The following KRTAP9-1 variants were observed in gnomAD, a reference collection of about 807,000 sequenced individuals.
KRTAP9-1 encodes keratin-associated protein 9-1.
In KRTAP9-1, 13 loss-of-function variants were observed where a neutral mutation model predicts 18.4. That is an observed-to-expected ratio of 0.71 (90% CI 0.46 to 1.12). The LOEUF (loss-of-function observed/expected upper bound fraction) is 1.12. Ranked by LOEUF, KRTAP9-1 falls within the 50% of genes most tolerant of loss-of-function variation. KRTAP9-1 has a pLI of 0.00. For synonymous variants in KRTAP9-1, 122 were observed against 108.8 expected (o/e 1.12, Z -0.75); for missense variants, 310 against 310.6 (o/e 1.00, Z 0.01).
At position 41,190,577 on chromosome 17, in the gene KRTAP9-1, C is replaced by T. The variant is rs1040724741; in HGVS notation, c.691C>T (p.Arg231Cys). 35 of 1,609,268 alleles carry T rather than the reference C, an allele frequency of 2.2e-5. No homozygotes were observed. In the African/African-American group the frequency reaches 2.4e-4, roughly 11 times the overall value. The change falls in exon 1 of 1, where the codon CGC becomes TGC. Residue 231 changes from arginine (R) to cysteine (C), a missense_variant. Coordinates refer to ENST00000398470, the MANE Select transcript of KRTAP9-1 (RefSeq NM_001190460.1). ...CACCTGCTACAGGACCACCTGTTGCCGCCCCAGCTGTTGCTGCAGTCCTTG... is the reference window on the plus strand; with the variant it reads ...CACCTGCTACAGGACCACCTGTTGCTGCCCCAGCTGTTGCTGCAGTCCTTG... ...QTTCYRTTCC[R>C]PSCCCSPCCV...
Position 41,190,246 on chromosome 17 carries a change from C to T in KRTAP9-1, c.360C>T (p.His120=). The T allele has an allele frequency of 1.5e-6, 2 of 1,328,684 alleles. No individual in the cohort carries two copies. Among genetic ancestry groups the T allele is most frequent in the African/African-American group, 3.9e-5 (2 of 51,126 alleles). 82.3% of individuals were successfully genotyped at this position (1,328,684 alleles called of 1,614,324 possible). A position where few individuals can be genotyped will look rare whatever the true frequency, so the allele number is the denominator to read the frequency against. ...CGSSCCQPCC[H]PTCYQTICFR... is the part of the protein sequence containing the mutation. ...CCAGTTGCTGTCAGCCTTGCTGTCA[C>T]CCGACTTGCTATCAAACTATCTGCT... Residue 120 remains histidine, a synonymous_variant, in exon 1 of 1, where the codon CAC becomes CAT. Transcript: ENST00000398470.
Position 41,190,490 on chromosome 17 carries a change from A to C in KRTAP9-1, c.604A>C (p.Ser202Arg). ...QPTCGGSSCC[S>R]QTCNESSYCL... is the part of the protein sequence containing the mutation. Reference sequence around the variant, plus strand: ...AACCTGTGGTGGGTCCAGCTGCTGTAGCCAAACCTGCAATGAGTCCAGCTA... The same window carrying C: ...AACCTGTGGTGGGTCCAGCTGCTGTCGCCAAACCTGCAATGAGTCCAGCTA... The change falls in exon 1 of 1, where the codon AGC (serine) becomes CGC (arginine). Residue 202 changes from serine (S) to arginine (R), a missense_variant. Ser to Arg is a moderately radical substitution (Grantham distance 110). Coordinates refer to ENST00000398470, the MANE Select transcript of KRTAP9-1 (RefSeq NM_001190460.1). 6.2e-7 allele frequency: 1 copy of C among 1,603,336 alleles called. No individual in the cohort carries two copies. Among genetic ancestry groups the C allele is most frequent in the Non-Finnish European group, 8.5e-7 (1 of 1,174,844 alleles).
Position 41,190,587 on chromosome 17 carries a change from G to T in KRTAP9-1, c.701G>T (p.Cys234Phe). The T allele has an allele frequency of 6.2e-7, 1 of 1,608,088 alleles. No homozygotes were observed. Among genetic ancestry groups the T allele is most frequent in the Non-Finnish European group, 8.5e-7 (1 of 1,177,094 alleles). ...CYRTTCCRPS[C>F]CCSPCCVSSC... ...AGGACCACCTGTTGCCGCCCCAGCT[G>T]TTGCTGCAGTCCTTGCTGTGTCTCC... is the stretch of plus-strand genomic sequence containing the variant. The change falls in exon 1 of 1, where the codon TGT becomes TTT. Residue 234 changes from cysteine (C) to phenylalanine (F), a missense_variant. By Grantham distance (205) the Cys-to-Phe change is radical. Around this residue, in one of 3 missense-constraint regions of KRTAP9-1, gnomAD observed 130 missense variants for 103.4 expected, o/e 1.26. Transcript: ENST00000398470.
rs1228035984 is a variant in KRTAP9-1 at position 41,190,446 on chromosome 17, G to A, written c.560G>A (p.Ser187Asn). 8.1e-6 allele frequency: 13 copies of A among 1,601,030 alleles called. No homozygotes were observed. Among genetic ancestry groups the A allele is most frequent in the Non-Finnish European group, 1.1e-5 (13 of 1,174,808 alleles). The change falls in exon 1 of 1, where the codon AGC becomes AAC. Residue 187 changes from serine to asparagine, a missense_variant. Ser to Asn is a conservative substitution (Grantham distance 46). This residue lies in a region of KRTAP9-1 where 130 missense variants were observed against 103.4 expected (regional missense o/e 1.26). Coordinates refer to ENST00000398470, the MANE Select transcript of KRTAP9-1 (RefSeq NM_001190460.1). ...CCATCCTGTGTGACCAGATGCTGCA[G>A]CACACCCTGTTGCCAGCCAACCTGT... ...CQPSCVTRCC[S>N]TPCCQPTCGG...
In KRTAP9-1 at chr17:41,189,916, G is replaced by A. The variant is rs1370755433; in HGVS notation, c.30G>A (p.Gln10=). Residue 10 remains glutamine (Q), a synonymous_variant, in exon 1 of 1, where the codon CAG becomes CAA. Coordinates refer to ENST00000398470, the MANE Select transcript of KRTAP9-1 (RefSeq NM_001190460.1). ...CCCACTGCTGTTCCCCTTGCTGTCAGCCTACATGCTGCAGGACCACCTGCT... is the reference window on the plus strand; with the variant it reads ...CCCACTGCTGTTCCCCTTGCTGTCAACCTACATGCTGCAGGACCACCTGCT... MTHCCSPCC[Q]PTCCRTTCCR... is the part of the protein sequence containing the mutation. The A allele has an allele frequency of 5.0e-6, 8 of 1,612,100 alleles. No homozygotes were observed. The highest frequency in any genetic ancestry group is 6.8e-6 in the Non-Finnish European group (8 of 1,179,858).
Position 41,190,100 on chromosome 17 carries a change from G to A in KRTAP9-1, c.214G>A (p.Val72Met), listed in dbSNP as rs777369981. ...GACCACCTGCTGCCAGCCCACTTGT[G>A]TGGCCAGCTGCTGCCAGCCTTCCTG... ...CRTTCCQPTCVASCCQPSCCS... is the reference protein window; with the variant it reads ...CRTTCCQPTCMASCCQPSCCS... Residue 72 changes from valine to methionine, a missense_variant, in exon 1 of 1, where the codon GTG (valine) becomes ATG (methionine). Around this residue, in one of 3 missense-constraint regions of KRTAP9-1, gnomAD observed 178 missense variants for 190.2 expected, o/e 0.94. Transcript: ENST00000398470. 1.3e-6 allele frequency: 2 copies of A among 1,598,720 alleles called. 1 individual carries two copies. The highest frequency in any genetic ancestry group is 2.3e-5 in the South Asian group (2 of 88,638).
Position 41,190,536 on chromosome 17 carries a change from C to T in KRTAP9-1, c.650C>T (p.Pro217Leu). ...ESSYCLPCCR[P>L]TCCQTTCYRT... ...AGCTATTGTCTGCCTTGCTGCCGTC[C>T]CACCTGCTGCCAGACCACCTGCTAC... The change falls in exon 1 of 1, where the codon CCC becomes CTC. Residue 217 changes from proline to leucine, a missense_variant. Around this residue, in one of 3 missense-constraint regions of KRTAP9-1, gnomAD observed 130 missense variants for 103.4 expected, o/e 1.26. Coordinates refer to ENST00000398470, the MANE Select transcript of KRTAP9-1 (RefSeq NM_001190460.1). 1 of 1,610,512 alleles carries T rather than the reference C, an allele frequency of 6.2e-7. No individual in the cohort carries two copies. Among genetic ancestry groups the T allele is most frequent in the Non-Finnish European group, 8.5e-7 (1 of 1,178,328 alleles).
Position 41,190,527 on chromosome 17 carries a change from G to A in KRTAP9-1, c.641G>A (p.Cys214Tyr). The change falls in exon 1 of 1, where the codon TGC becomes TAC. Residue 214 changes from cysteine to tyrosine, a missense_variant. Physicochemically the swap from Cys to Tyr is radical, Grantham distance 194 (BLOSUM62 -2). This residue lies in a region of KRTAP9-1 where 130 missense variants were observed against 103.4 expected (regional missense o/e 1.26). Transcript: ENST00000398470. The part of the protein sequence containing the change: ...TCNESSYCLP[C>Y]CRPTCCQTTC... ...AATGAGTCCAGCTATTGTCTGCCTT[G>A]CTGCCGTCCCACCTGCTGCCAGACC... 1 of 1,609,690 alleles carries A rather than the reference G, an allele frequency of 6.2e-7. No homozygotes were observed. The highest frequency in any genetic ancestry group is 8.5e-7 in the Non-Finnish European group (1 of 1,177,926).
In KRTAP9-1 at chr17:41,190,161, G is replaced by T; in HGVS notation, c.275G>T (p.Gly92Val). 6.4e-7 allele frequency: 1 copy of T among 1,555,710 alleles called. No homozygotes were observed. Among genetic ancestry groups the T allele is most frequent in the Admixed American group, 1.8e-5 (1 of 54,336 alleles). ...CCCTGCTGCCAGCCCACCTGCTGTG[G>T]GTCCAGCTGCTGTGGCCAAACCAGC... ...STPCCQPTCC[G>V]SSCCGQTSCG... Residue 92 changes from glycine (G) to valine (V), a missense_variant, in exon 1 of 1, where the codon GGG becomes GTG. Physicochemically the swap from Gly to Val is moderately radical, Grantham distance 109. Coordinates refer to ENST00000398470, the MANE Select transcript of KRTAP9-1 (RefSeq NM_001190460.1).
Position 41,190,194 on chromosome 17 carries a change from C to T in KRTAP9-1, c.308C>T (p.Ser103Phe). 1 of 1,529,896 alleles carries T rather than the reference C, an allele frequency of 6.5e-7. No homozygotes were observed. Among genetic ancestry groups the T allele is most frequent in the South Asian group, 1.3e-5 (1 of 75,908 alleles). The allele number at this position is 1,529,896 out of a possible 1,614,324, so 94.8% of individuals were successfully genotyped here. A position where few individuals can be genotyped will look rare whatever the true frequency, so the allele number is the denominator to read the frequency against. The part of the protein sequence containing the change: ...SSCCGQTSCG[S>F]SCCQPICGSS... ...TGCTGTGGCCAAACCAGCTGTGGGT[C>T]CAGCTGCTGTCAGCCTATTTGTGGG... Residue 103 changes from serine (S) to phenylalanine (F), a missense_variant, in exon 1 of 1, where the codon TCC (serine) becomes TTC (phenylalanine). Transcript: ENST00000398470.
Position 41,190,027 on chromosome 17 carries a change from C to A in KRTAP9-1, c.84C>A (p.Cys28Ter). 6.2e-7 allele frequency: 1 copy of A among 1,613,982 alleles called. No individual in the cohort carries two copies. The highest frequency in any genetic ancestry group is 1.1e-5 in the South Asian group (1 of 91,064). Reference sequence around the variant, plus strand: ...AGCCCTCCTGCTGTGTGCCCAGCTGCTGCCAGCCTTGCTGCCACCCAACTT... The same window carrying A: ...AGCCCTCCTGCTGTGTGCCCAGCTGATGCCAGCCTTGCTGCCACCCAACTT... Residue 28 changes from cysteine to a stop codon, truncating the protein, a stop_gained, in exon 2 of 3, where the codon TGC becomes TGA. Transcript: ENST00000634358. LOFTEE classifies it high-confidence loss of function.
Position 41,190,249 on chromosome 17 carries a change from G to A in KRTAP9-1, c.363G>A (p.Pro121=), listed in dbSNP as rs533254504. Residue 121 remains proline (P), a synonymous_variant, in exon 1 of 1, where the codon CCG becomes CCA. Coordinates refer to ENST00000398470, the MANE Select transcript of KRTAP9-1 (RefSeq NM_001190460.1). ...GTTGCTGTCAGCCTTGCTGTCACCC[G>A]ACTTGCTATCAAACTATCTGCTTCA... ...GSSCCQPCCH[P]TCYQTICFRT... is the part of the protein sequence containing the mutation. 574 of 1,306,982 alleles carry A rather than the reference G, an allele frequency of 4.4e-4. 1 individual carries two copies. Among genetic ancestry groups the A allele is most frequent in the Non-Finnish European group, 5.1e-4 (511 of 1,004,890 alleles). 81.0% of individuals were successfully genotyped at this position (1,306,982 alleles called of 1,614,324 possible). A position where few individuals can be genotyped will look rare whatever the true frequency, so the allele number is the denominator to read the frequency against.
In KRTAP9-1 at chr17:41,189,980, T is replaced by C. The variant is rs747668169; in HGVS notation, c.94T>C (p.Cys32Arg). Reference protein sequence around the residue: ...TCWKPTTVTTCSSTPCCQPSC... With the variant: ...TCWKPTTVTTRSSTPCCQPSC... ...CTGGAAGCCCACCACTGTGACCACC[T>C]GCAGCAGCACACCCTGTTGCCAGCC... The change falls in exon 1 of 1, where the codon TGC (cysteine) becomes CGC (arginine). Residue 32 changes from cysteine (C) to arginine (R), a missense_variant. Cys to Arg is a radical substitution (Grantham distance 180). Transcript: ENST00000398470. The C allele has an allele frequency of 3.1e-6, 5 of 1,613,176 alleles. No individual in the cohort carries two copies. Among genetic ancestry groups the C allele is most frequent in the Non-Finnish European group, 4.2e-6 (5 of 1,179,992 alleles).
chr17:41,190,166 A>G lies in KRTAP9-1; in HGVS notation c.280A>G (p.Ser94Gly). The G allele has an allele frequency of 6.4e-7, 1 of 1,557,566 alleles. No homozygotes were observed. The change falls in exon 1 of 1, where the codon AGC becomes GGC. Residue 94 changes from serine to glycine, a missense_variant. By Grantham distance (56) the Ser-to-Gly change is moderately conservative. Around this residue, in one of 3 missense-constraint regions of KRTAP9-1, gnomAD observed 178 missense variants for 190.2 expected, o/e 0.94. Transcript: ENST00000398470. ...PCCQPTCCGS[S>G]CCGQTSCGSS... ...CTGCCAGCCCACCTGCTGTGGGTCC[A>G]GCTGCTGTGGCCAAACCAGCTGTGG... is the stretch of plus-strand genomic sequence containing the variant.
Position 41,189,966 on chromosome 17 carries a change from C to G in KRTAP9-1, c.80C>G (p.Thr27Ser). The G allele has an allele frequency of 2.5e-6, 4 of 1,613,160 alleles. No homozygotes were observed. The highest frequency in any genetic ancestry group is 1.3e-5 in the African/African-American group (1 of 74,994). ...TCCRTTCWKP[T>S]TVTTCSSTPC... Reference sequence around the variant, plus strand: ...TGCAGGACAACCTGCTGGAAGCCCACCACTGTGACCACCTGCAGCAGCACA... The same window carrying G: ...TGCAGGACAACCTGCTGGAAGCCCAGCACTGTGACCACCTGCAGCAGCACA... The change falls in exon 1 of 1, where the codon ACC (threonine) becomes AGC (serine). Residue 27 changes from threonine (T) to serine (S), a missense_variant. Physicochemically the swap from Thr to Ser is moderately conservative, Grantham distance 58. Around this residue, in one of 3 missense-constraint regions of KRTAP9-1, gnomAD observed 178 missense variants for 190.2 expected, o/e 0.94. Transcript: ENST00000398470.
rs771438086 is a variant in KRTAP9-1 at position 41,190,579 on chromosome 17, C to G, written c.693C>G (p.Arg231=). 1.1e-5 allele frequency: 17 copies of G among 1,609,528 alleles called. No individual in the cohort carries two copies. In the African/African-American group the frequency reaches 2.3e-4, roughly 22 times the overall value. The change falls in exon 1 of 1, where the codon CGC becomes CGG. Residue 231 remains arginine (R), a synonymous_variant. Coordinates refer to ENST00000398470, the MANE Select transcript of KRTAP9-1 (RefSeq NM_001190460.1). The part of the protein sequence containing the change: ...QTTCYRTTCC[R]PSCCCSPCCV... ...CCTGCTACAGGACCACCTGTTGCCG[C>G]CCCAGCTGTTGCTGCAGTCCTTGCT...
At position 41,189,951 on chromosome 17, in the gene KRTAP9-1, C is replaced by G. The variant is rs928103230; in HGVS notation, c.65C>G (p.Thr22Ser). ...TGCAGGACCACCTGCTGCAGGACAA[C>G]CTGCTGGAAGCCCACCACTGTGACC... Reference protein sequence around the residue: ...TCCRTTCCRTTCWKPTTVTTC... With the variant: ...TCCRTTCCRTSCWKPTTVTTC... The change falls in exon 1 of 1, where the codon ACC becomes AGC. Residue 22 changes from threonine (T) to serine (S), a missense_variant. By Grantham distance (58) the Thr-to-Ser change is moderately conservative. This residue lies in a region of KRTAP9-1 where 178 missense variants were observed against 190.2 expected (regional missense o/e 0.94). Coordinates refer to ENST00000398470, the MANE Select transcript of KRTAP9-1 (RefSeq NM_001190460.1). 1 of 1,612,922 alleles carries G rather than the reference C, an allele frequency of 6.2e-7. No homozygotes were observed. The highest frequency in any genetic ancestry group is 8.5e-7 in the Non-Finnish European group (1 of 1,179,984).
chr17:41,190,410 C>T lies in KRTAP9-1; in HGVS notation c.524C>T (p.Thr175Ile), dbSNP rs753376477. 1.9e-6 allele frequency: 3 copies of T among 1,590,550 alleles called. No individual in the cohort carries two copies. Among genetic ancestry groups the T allele is most frequent in the Non-Finnish European group, 1.7e-6 (2 of 1,166,472 alleles). The change falls in exon 1 of 1, where the codon ACC (threonine) becomes ATC (isoleucine). Residue 175 changes from threonine (T) to isoleucine (I), a missense_variant. Coordinates refer to ENST00000398470, the MANE Select transcript of KRTAP9-1 (RefSeq NM_001190460.1). ...TGCTGTCAAACCATTTGTAGATCCACCTGCTGCCAACCATCCTGTGTGACC... is the reference window on the plus strand; with the variant it reads ...TGCTGTCAAACCATTTGTAGATCCATCTGCTGCCAACCATCCTGTGTGACC... ...PTCCQTICRS[T>I]CCQPSCVTRC...
chr17:41,190,022 A>G lies in KRTAP9-1; in HGVS notation c.136A>G (p.Ser46Gly). Reference sequence around the variant, plus strand: ...TTGCCAGCCCTCCTGCTGTGTGCCCAGCTGCTGCCAGCCTTGCTGCCACCC... The same window carrying G: ...TTGCCAGCCCTCCTGCTGTGTGCCCGGCTGCTGCCAGCCTTGCTGCCACCC... Reference protein sequence around the residue: ...PCCQPSCCVPSCCQPCCHPTC... With the variant: ...PCCQPSCCVPGCCQPCCHPTC... The change falls in exon 1 of 1, where the codon AGC (serine) becomes GGC (glycine). Residue 46 changes from serine (S) to glycine (G), a missense_variant. Coordinates refer to ENST00000398470, the MANE Select transcript of KRTAP9-1 (RefSeq NM_001190460.1). 2 of 1,613,880 alleles carry G rather than the reference A, an allele frequency of 1.2e-6. No individual in the cohort carries two copies. Among genetic ancestry groups the G allele is most frequent in the African/African-American group, 2.7e-5 (2 of 75,018 alleles).
Sources: allele counts gnomAD v4.1 joint callset, GRCh38; gene constraint gnomAD v4.1.1; regional missense constraint gnomAD v4.1.1; transcripts MANE v1.5; gene names NCBI Gene and HGNC (gene_info 2026-07-23, HGNC 2026-07-21).